The following TMIGD1 variants were observed in gnomAD, a reference collection of about 807,000 sequenced individuals.
The protein encoded by TMIGD1 is transmembrane and immunoglobulin domain containing 1, also known as transmembrane and immunoglobulin domain-containing protein 1.
Under a neutral mutation model 27.5 loss-of-function variants are expected in TMIGD1, and 29 were observed. The ratio of observed to expected loss-of-function variants is 1.05; its 90% confidence interval spans 0.78 to 1.44. The LOEUF (loss-of-function observed/expected upper bound fraction) is 1.44. TMIGD1 is among the 40% of genes most tolerant of loss of function. The probability of loss-of-function intolerance (pLI) is 0.00; values close to 1 mark genes in which losing one functional copy is unlikely to be tolerated. For synonymous variants in TMIGD1, 109 were observed against 110.3 expected (o/e 0.99, Z 0.07); for missense variants, 334 against 310.6 (o/e 1.08, Z -0.57).
At chr17:30,325,116 ATT>A in intron 3 of TMIGD1, 22 bp from the exon 4 acceptor site, 1 of 1,592,856 alleles carries the variant, frequency 6.3e-7, no homozygotes. Context: ...AAGCATTTAG[ATT>A]TAATTAGCAG....
At chr17:30,322,890 T>A (rs1909664466) in intron 4 of TMIGD1, among the ~76,000 whole-genome samples, 1 of 152,162 alleles carries the variant, frequency 6.6e-6, no homozygotes. Context: ...GTGACTTTGG[T>A]CGGGGCATGG....
At chr17:30,325,130 TAAGC>T in intron 3 of TMIGD1, 36 bp from the exon 4 acceptor site, 1 of 1,577,288 alleles carries the variant, frequency 6.3e-7, no homozygotes, top group Non-Finnish European at 8.6e-7. Context: ...AATTAGCAGA[TAAGC>T]AATAGTTCAC....
In TMIGD1 at chr17:30,318,820, T is replaced by C. The variant is rs770943108; in HGVS notation, c.734A>G (p.Lys245Arg). ...LCFGLIARRK[K>R]IMKLCMKDKD... ...AGAATACTTAGATACCTTCATTATT[T>C]TCTTTCTTCTAGCAATCAGTCCAAA... Residue 245 changes from lysine to arginine, a missense_variant, in exon 5 of 7, where the codon AAA becomes AGA. By Grantham distance (26) the Lys-to-Arg change is conservative. Coordinates refer to ENST00000328886, the MANE Select transcript of TMIGD1 (RefSeq NM_206832.3). The C allele has an allele frequency of 2.7e-5, 44 of 1,611,126 alleles. No individual in the cohort carries two copies. Among genetic ancestry groups the C allele is most frequent in the Non-Finnish European group, 3.6e-5 (42 of 1,177,526 alleles).
chr17:30,318,729 C>T, intron 5 of TMIGD1, 81 bp downstream of exon 5: 1 of 1,047,812 alleles, frequency 9.5e-7, no homozygotes, highest in Non-Finnish European at 1.4e-6. Flanking sequence ...GGGTTCCTAA[C>T]TGAAGTCACT....
intron 4 of TMIGD1, among the ~76,000 whole-genome samples, chr17:30,322,353 C>T (rs1909646232): frequency 6.6e-6 from 1 of 152,046 alleles, no homozygotes; most frequent in African/African-American, 2.4e-5. Context: ...TGGGGAGCCC[C>T]TCTATTTGCA....
At chr17:30,327,874 C>T (rs946549301) in intron 3 of TMIGD1, among the ~76,000 whole-genome samples, 6 of 151,986 alleles carry the variant, frequency 3.9e-5, no homozygotes, top group Non-Finnish European at 5.9e-5. Flanking sequence ...GCAGAACCAG[C>T]TTTTCACCCA....
At chr17:30,321,107 C>T (rs983400729) in intron 4 of TMIGD1, among the ~76,000 whole-genome samples, 5 of 152,018 alleles carry the variant, frequency 3.3e-5, no homozygotes, top group Admixed American at 3.3e-4. Context: ...ATCTGCCTGC[C>T]TTGGCCTCCT....
rs1555600534 is a variant in TMIGD1 at position 30,319,261 on chromosome 17, A to AT, written c.641-349_641-348insA. Among the ~76,000 whole-genome samples, 676 of 69,050 alleles carry AT rather than the reference A, an allele frequency of 9.8e-3. 34 individuals carry two copies. The highest frequency in any genetic ancestry group is 0.041 in the South Asian group (97 of 2,366). The allele number at this position is 69,050 out of a possible 152,430, so 45.3% of individuals were successfully genotyped here. A position where few individuals can be genotyped will look rare whatever the true frequency, so the allele number is the denominator to read the frequency against. ...TGTAAAAAAAAAAGAAAAAAAAAAA[A>AT]ATATATATATATATATAGCTGGGCA... On this transcript the variant is annotated intron_variant, in intron 4 of 6. Coordinates refer to ENST00000328886, the MANE Select transcript of TMIGD1 (RefSeq NM_206832.3).
intron 1 of TMIGD1, 39 bp from the exon 2 acceptor site, chr17:30,332,197 C>G: frequency 3.1e-6 from 4 of 1,289,314 alleles, no homozygotes; most frequent in Non-Finnish European, 4.4e-6. Context: ...GTACTTTGGT[C>G]TGCAATGAGT....
At chr17:30,329,174 AG>A in intron 3 of TMIGD1, 76 bp downstream of exon 3, 1 of 1,547,670 alleles carries the variant, frequency 6.5e-7, no homozygotes, top group South Asian at 1.2e-5. Flanking sequence ...GGCAATACCA[AG>A]ACCTAGATTT....
At chr17:30,320,406 A>T (rs1909580438) in intron 4 of TMIGD1, among the ~76,000 whole-genome samples, 1 of 152,188 alleles carries the variant, frequency 6.6e-6, no homozygotes, top group Non-Finnish European at 1.5e-5. Flanking sequence ...GAGCCTTTGA[A>T]AATATTTGAG....
chr17:30,323,127 G>A (rs905047400), intron 4 of TMIGD1, among the ~76,000 whole-genome samples: 8 of 152,030 alleles, frequency 5.3e-5, no homozygotes, highest in Non-Finnish European at 7.4e-5. Context: ...CTATGATTAC[G>A]CTACTGCACT....
chr17:30,329,543 G>C lies in TMIGD1; in HGVS notation c.83-14C>G. ...TTAAAACAGAACCTGGGAGTATAGGGAGAAACTATTTAGATATACAGAGTA... is the reference window on the plus strand; with the variant it reads ...TTAAAACAGAACCTGGGAGTATAGGCAGAAACTATTTAGATATACAGAGTA... On this transcript the variant is annotated splice_polypyrimidine_tract_variant and intron_variant, in intron 2 of 6. Coordinates refer to ENST00000328886, the MANE Select transcript of TMIGD1 (RefSeq NM_206832.3). The C allele has an allele frequency of 1.9e-6, 3 of 1,602,034 alleles. No individual in the cohort carries two copies. Among genetic ancestry groups the C allele is most frequent in the South Asian group, 2.2e-5 (2 of 90,702 alleles).
At chr17:30,332,718 G>A (rs1910019767) in intron 1 of TMIGD1, among the ~76,000 whole-genome samples, 1 of 151,844 alleles carries the variant, frequency 6.6e-6, no homozygotes. Flanking sequence ...TGACCCAATG[G>A]ACTAAAAATA....
chr17:30,322,692 G>A (rs536849614), intron 4 of TMIGD1, among the ~76,000 whole-genome samples: 2 of 152,054 alleles, frequency 1.3e-5, no homozygotes, highest in African/African-American at 2.4e-5. Context: ...TAGTAGAGAC[G>A]GGTTTCACCA....
At chr17:30,330,555 A>G (rs1443555378) in intron 2 of TMIGD1, among the ~76,000 whole-genome samples, 1 of 152,244 alleles carries the variant, frequency 6.6e-6, no homozygotes, top group African/African-American at 2.4e-5. Flanking sequence ...TGCTTAAATG[A>G]TAGGATTATG....
intron 2 of TMIGD1, among the ~76,000 whole-genome samples, chr17:30,329,769 A>G (rs1909912266): frequency 1.3e-5 from 2 of 152,272 alleles, no homozygotes; most frequent in South Asian, 2.1e-4. Flanking sequence ...TGGAATCACC[A>G]GGGGATCTTT....
intron 5 of TMIGD1, among the ~76,000 whole-genome samples, chr17:30,318,526 C>A (rs895205998): frequency 1.3e-5 from 2 of 152,114 alleles, no homozygotes; most frequent in African/African-American, 4.8e-5. Context: ...CAATAAAGGG[C>A]AATTTAAAAG....
chr17:30,316,855 G>A, intron 6 of TMIGD1, 165 bp from the exon 7 acceptor site: 1 of 691,954 alleles, frequency 1.4e-6, no homozygotes, highest in East Asian at 2.7e-5. Flanking sequence ...AGGCAGTATG[G>A]GGATGAATGT....
Sources: gnomAD v4.1 joint callset for allele counts (sites outside exome capture counted in the v4.1 genomes callset) on GRCh38, gnomAD v4.1.1 for gene constraint, MANE v1.5 for transcripts, NCBI Gene and HGNC (gene_info 2026-07-23, HGNC 2026-07-21) for gene names.